The following SYN3 variants were observed in gnomAD, a reference collection of about 807,000 sequenced individuals.
SYN3 encodes synapsin-3.
In SYN3, 35 loss-of-function variants were observed where a neutral mutation model predicts 65.8. The ratio of observed to expected loss-of-function variants is 0.53; its 90% CI spans 0.41 to 0.70. The LOEUF (loss-of-function observed/expected upper bound fraction) is 0.70. SYN3 is among the 30% of genes least tolerant of loss of function. The probability of loss-of-function intolerance (pLI) is 0.00; values close to 1 mark genes in which losing one functional copy is unlikely to be tolerated. For missense variants in SYN3, 680 were observed against 749.0 expected, an observed-to-expected ratio of 0.91 and a Z score of 1.08; for synonymous variants, 270 against 292.9, an observed-to-expected ratio of 0.92 and a Z score of 0.80.
At chr22:32,780,596 G>A (rs1156864671) in intron 6 of SYN3, among the ~76,000 whole-genome samples, 1 of 152,100 alleles carries the variant, frequency 6.6e-6, no homozygotes, top group Non-Finnish European at 1.5e-5. Flanking sequence ...CATATGGGAG[G>A]GATTACACCT....
chr22:32,807,744 T>G, intron 6 of SYN3, among the ~76,000 whole-genome samples: 1 of 151,550 alleles, frequency 6.6e-6, no homozygotes, highest in Middle Eastern at 3.5e-3. Flanking sequence ...TTATACCATA[T>G]CATATTATAT....
intron 6 of SYN3, among the ~76,000 whole-genome samples, chr22:32,650,940 G>C (rs2060061408): frequency 2.0e-5 from 3 of 152,160 alleles, no homozygotes; most frequent in Admixed American, 6.5e-5. Context: ...GTCCTCCTTA[G>C]AGAGGAAAGT....
At chr22:32,966,373 T>C (rs2051844829) in intron 3 of SYN3, among the ~76,000 whole-genome samples, 1 of 152,092 alleles carries the variant, frequency 6.6e-6, no homozygotes, top group Non-Finnish European at 1.5e-5. Flanking sequence ...GGTATTACCA[T>C]GGGTGGGCAC....
At chr22:32,632,194 C>A (rs2146824170) in intron 6 of SYN3, among the ~76,000 whole-genome samples, 1 of 152,336 alleles carries the variant, frequency 6.6e-6, no homozygotes. Flanking sequence ...GGTGTTCCAG[C>A]ATACACTGCC....
At position 32,692,173 on chromosome 22, in the gene SYN3, AAAAC is replaced by A. The variant is rs1226976690; in HGVS notation, c.712-95441_712-95438del. ...AAAAAGACAAAAAAAAAAAAAAAAA[AAAAC>A]AGGACGGTCTGCAAAGAGAGAAGAG... On this transcript the variant is annotated intron_variant, in intron 6 of 13. Coordinates refer to ENST00000358763, the MANE Select transcript of SYN3 (RefSeq NM_003490.4). Among the ~76,000 whole-genome samples the A allele has an allele frequency of 1.1e-3, 162 of 144,294 alleles. 3 individuals are homozygous for A. The highest frequency in any genetic ancestry group is 3.5e-3 in the African/African-American group (134 of 37,922). The allele number at this position is 144,294 out of a possible 152,430, so 94.7% of individuals were successfully genotyped here.
At chr22:32,955,366 A>G (rs926049419) in intron 3 of SYN3, among the ~76,000 whole-genome samples, 2 of 151,364 alleles carry the variant, frequency 1.3e-5, no homozygotes, top group Admixed American at 6.6e-5. Context: ...CATTTCAGAT[A>G]GGGGGTGGGG....
At chr22:32,526,569 G>A (rs1224590393) in intron 12 of SYN3, among the ~76,000 whole-genome samples, 1 of 152,092 alleles carries the variant, frequency 6.6e-6, no homozygotes, top group African/African-American at 2.4e-5. Context: ...AGGGTGGAGT[G>A]CAGTGGCGCA....
intron 4 of SYN3, among the ~76,000 whole-genome samples, chr22:32,896,450 T>C (rs2049595988): frequency 6.6e-6 from 1 of 152,146 alleles, no homozygotes; most frequent in Non-Finnish European, 1.5e-5. Context: ...AGTAAGACTC[T>C]GTCTCAAAAT....
Position 32,534,910 on chromosome 22 carries a change from C to T in SYN3, c.993-1015G>A, listed in dbSNP as rs77604637. On this transcript the variant is annotated intron_variant, in intron 9 of 13. Transcript: ENST00000358763. ...AGAACACCAGGATTCCCTCGATCTC[C>T]TTGACTCCCAGTCCAGTTTTCTCAT... Among the ~76,000 whole-genome samples, 9 of 152,304 alleles carry T rather than the reference C, an allele frequency of 5.9e-5. No homozygotes were observed. In the East Asian group the frequency reaches 1.5e-3, roughly 26 times the overall value.
At chr22:32,859,156 C>T in intron 6 of SYN3, 3 of 1,612,872 alleles carry the variant, frequency 1.9e-6, no homozygotes, top group Non-Finnish European at 2.5e-6. Flanking sequence ...AGTCCATCAA[C>T]TGCTGCCTGT....
chr22:32,664,539 G>T (rs1431101875), intron 6 of SYN3, among the ~76,000 whole-genome samples: 3 of 148,234 alleles, frequency 2.0e-5, no homozygotes, highest in Non-Finnish European at 4.4e-5. Context: ...CTGAGATTTT[G>T]GTGCACCTGT....
At chr22:32,626,868 T>C (rs907102703) in intron 6 of SYN3, among the ~76,000 whole-genome samples, 3 of 152,180 alleles carry the variant, frequency 2.0e-5, no homozygotes, top group Non-Finnish European at 2.9e-5. Flanking sequence ...GTTGAAACGA[T>C]GAAAATGTTG....
intron 10 of SYN3, among the ~76,000 whole-genome samples, chr22:32,533,275 C>G (rs1345804986): frequency 3.9e-5 from 6 of 152,056 alleles, no homozygotes; most frequent in Non-Finnish European, 7.4e-5. Context: ...CCTCAATGCT[C>G]TGCCACTGTT....
intron 7 of SYN3, among the ~76,000 whole-genome samples, chr22:32,554,388 G>A (rs1365567752): frequency 6.6e-6 from 1 of 152,024 alleles, no homozygotes; most frequent in Non-Finnish European, 1.5e-5. Flanking sequence ...TATCATTTTT[G>A]TTACCACCTT....
At chr22:33,017,397 T>C (rs1426533572) in intron 1 of SYN3, among the ~76,000 whole-genome samples, 1 of 152,218 alleles carries the variant, frequency 6.6e-6, no homozygotes, top group African/African-American at 2.4e-5. Flanking sequence ...AATTTTAGGA[T>C]TTTTTTATTT....
chr22:32,942,223 G>T (rs537466668), intron 3 of SYN3, among the ~76,000 whole-genome samples: 36 of 152,200 alleles, frequency 2.4e-4, no homozygotes, highest in Non-Finnish European at 4.3e-4. Flanking sequence ...CACCTCACAC[G>T]GCCAGGTACC....
chr22:32,894,459 T>C (rs898907431), intron 4 of SYN3, among the ~76,000 whole-genome samples: 4 of 152,184 alleles, frequency 2.6e-5, no homozygotes, highest in East Asian at 1.9e-4. Flanking sequence ...TTGTAGCTAG[T>C]GCTAGTGACA....
At chr22:32,817,574 G>A (rs142367890) in intron 6 of SYN3, among the ~76,000 whole-genome samples, 1 of 152,290 alleles carries the variant, frequency 6.6e-6, no homozygotes, top group Non-Finnish European at 1.5e-5. Flanking sequence ...AGTGGTGCCA[G>A]TGGGTGCTTT....
chr22:32,864,786 C>A, intron 6 of SYN3, 129 bp downstream of exon 6: 3 of 803,698 alleles, frequency 3.7e-6, no homozygotes, highest in South Asian at 1.7e-5. Flanking sequence ...CACTGTGACT[C>A]CGCCTTAGAG....
Sources: gnomAD v4.1 joint callset for allele counts (sites outside exome capture counted in the v4.1 genomes callset) on GRCh38, gnomAD v4.1.1 for gene constraint, MANE v1.5 for transcripts, NCBI Gene and HGNC (gene_info 2026-07-23, HGNC 2026-07-21) for gene names.